The following BACH2 variants were observed in gnomAD, a reference collection of about 807,000 sequenced individuals.
BACH2 encodes the protein transcription regulator protein BACH2.
In BACH2, 5 loss-of-function variants were observed where a neutral mutation model predicts 61.8. The ratio of observed to expected loss-of-function variants is 0.08; its 90% confidence interval spans 0.04 to 0.17. BACH2 has a LOEUF of 0.17. Ranked by LOEUF, BACH2 falls within the 10% of genes least tolerant of loss-of-function variation. BACH2 has a pLI of 1.00. For synonymous variants in BACH2, 446 were observed against 440.1 expected (o/e 1.01, Z -0.17); for missense variants, 824 against 1,091.1 (o/e 0.76, Z 3.45).
At chr6:90,040,115 C>T (rs1275441286) in intron 5 of BACH2, among the ~76,000 whole-genome samples, 1 of 151,458 alleles carries the variant, frequency 6.6e-6, no homozygotes. Context: ...ATGACTTTCC[C>T]TTTGTGGTTT....
intron 5 of BACH2, among the ~76,000 whole-genome samples, chr6:90,038,515 A>C (rs1469754023): frequency 6.6e-6 from 1 of 152,132 alleles, no homozygotes; most frequent in Admixed American, 6.5e-5. Context: ...GAAAAATATC[A>C]TTAAGTTTTT....
intron 1 of BACH2, among the ~76,000 whole-genome samples, chr6:90,277,701 A>G (rs1771738789): frequency 6.6e-6 from 1 of 152,252 alleles, no homozygotes; most frequent in African/African-American, 2.4e-5. Context: ...ACAGGAATGA[A>G]AACTAGTGTG....
intron 3 of BACH2, among the ~76,000 whole-genome samples, chr6:90,244,021 A>C (rs1770547632): frequency 6.6e-6 from 1 of 152,210 alleles, no homozygotes; most frequent in South Asian, 2.1e-4. Context: ...TCCTGGGTTC[A>C]AATGATTCTC....
At chr6:90,247,408 T>TA (rs1347403733) in intron 3 of BACH2, among the ~76,000 whole-genome samples, 5 of 151,902 alleles carry the variant, frequency 3.3e-5, no homozygotes, top group African/African-American at 1.2e-4. Context: ...GTTATTTTTT[T>TA]TTTTGAGATG....
At chr6:89,940,008 A>C (rs896529875) in intron 7 of BACH2, among the ~76,000 whole-genome samples, 8 of 150,436 alleles carry the variant, frequency 5.3e-5, no homozygotes, top group African/African-American at 2.0e-4. Flanking sequence ...GGCCTGAAAT[A>C]TTTCTTTTCT....
intron 8 of BACH2, among the ~76,000 whole-genome samples, chr6:89,937,667 C>T (rs1220434955): frequency 6.6e-6 from 1 of 152,120 alleles, no homozygotes; most frequent in African/African-American, 2.4e-5. Flanking sequence ...ATAGCTGGGA[C>T]TACAGGCACG....
chr6:90,265,769 T>C (rs1021648191), intron 2 of BACH2, among the ~76,000 whole-genome samples: 1 of 152,170 alleles, frequency 6.6e-6, no homozygotes, highest in African/African-American at 2.4e-5. Context: ...CATTATCAAC[T>C]CATTTTAAAC....
rs201106988 is a variant in BACH2 at position 89,951,555 on chromosome 6, T to C, written c.551A>G (p.Gln184Arg). The C allele has an allele frequency of 2.9e-5, 47 of 1,614,086 alleles. No homozygotes were observed. Among genetic ancestry groups the C allele is most frequent in the Middle Eastern group, 1.6e-4 (1 of 6,084 alleles). The change falls in exon 7 of 9, where the codon CAG (glutamine) becomes CGG (arginine). Residue 184 changes from glutamine to arginine, a missense_variant. This residue lies in a region of BACH2 where 107 missense variants were observed against 121.7 expected (regional missense o/e 0.88). Transcript: ENST00000257749. This position sits in a 1 kb window ranked among gnomAD's most constrained non-coding sequence, Gnocchi z 6.4. ...AAAGCTGATGGGCTCTGGAAGCATC[T>C]GGTCCCTGGGGCAAGCCATCTTGGC... ...ETAKMACPRD[Q>R]MLPEPISFEA...
intron 4 of BACH2, among the ~76,000 whole-genome samples, chr6:90,130,422 C>G (rs1234227820): frequency 6.6e-6 from 1 of 152,216 alleles, no homozygotes; most frequent in Admixed American, 6.5e-5. Flanking sequence ...TCTCTTTTGC[C>G]TGGCACTGTA....
chr6:90,058,079 T>A (rs989499866), intron 5 of BACH2, among the ~76,000 whole-genome samples: 21 of 152,054 alleles, frequency 1.4e-4, no homozygotes, highest in Non-Finnish European at 2.9e-4. Flanking sequence ...GGGATGCCCG[T>A]TCTCACCACT....
At chr6:89,992,171 C>CT in intron 6 of BACH2, among the ~76,000 whole-genome samples, 1 of 152,204 alleles carries the variant, frequency 6.6e-6, no homozygotes. Context: ...CTTTCTGTTT[C>CT]TTTTTACAAA....
At chr6:90,255,621 C>T (rs545670596) in intron 2 of BACH2, among the ~76,000 whole-genome samples, 3 of 152,246 alleles carry the variant, frequency 2.0e-5, no homozygotes, top group African/African-American at 7.2e-5. Context: ...AAAGGAAACA[C>T]AATGAGACAA....
intron 6 of BACH2, among the ~76,000 whole-genome samples, chr6:89,985,033 G>A (rs954249963): frequency 2.0e-5 from 3 of 152,136 alleles, no homozygotes; most frequent in Non-Finnish European, 4.4e-5. Context: ...ACATTTGGCC[G>A]TGCCTTTCCT....
intron 7 of BACH2, among the ~76,000 whole-genome samples, chr6:89,944,036 C>T (rs1773590321): frequency 1.3e-5 from 2 of 152,224 alleles, no homozygotes; most frequent in South Asian, 4.1e-4. Context: ...TCTCCCCTCC[C>T]AGGTGAAGAA....
At chr6:90,236,417 C>T (rs1344390183) in intron 3 of BACH2, among the ~76,000 whole-genome samples, 3 of 152,104 alleles carry the variant, frequency 2.0e-5, no homozygotes, top group Non-Finnish European at 4.4e-5. Context: ...ACTTGGGAAG[C>T]GAACAGTTTA....
At chr6:89,986,188 G>A (rs1776228145) in intron 6 of BACH2, among the ~76,000 whole-genome samples, 1 of 151,922 alleles carries the variant, frequency 6.6e-6, no homozygotes. Flanking sequence ...CTGTAAGGAT[G>A]GCTTTTTTCG....
intron 5 of BACH2, among the ~76,000 whole-genome samples, chr6:90,031,110 A>T (rs1778956010): frequency 6.6e-6 from 1 of 152,116 alleles, no homozygotes; most frequent in South Asian, 2.1e-4. Context: ...AAACCACATG[A>T]TTATCTCAAT....
In BACH2 at chr6:89,966,427, T is replaced by G. The variant is rs866882479; in HGVS notation, c.244-14565A>C. Among the ~76,000 whole-genome samples the G allele has an allele frequency of 9.2e-5, 14 of 152,346 alleles. 1 individual carries two copies. The South Asian group carries it at 1.0e-3, about 11-fold the overall frequency. Reference sequence around the variant, plus strand: ...CTGTGAGGATTTAAACAGCAGCCATTAACACAAAACCCCATATGTGAATTG... The same window carrying G: ...CTGTGAGGATTTAAACAGCAGCCATGAACACAAAACCCCATATGTGAATTG... On this transcript the variant is annotated intron_variant, in intron 6 of 8. Coordinates refer to ENST00000257749, the MANE Select transcript of BACH2 (RefSeq NM_021813.4).
At chr6:89,942,878 C>T (rs553985575) in intron 7 of BACH2, among the ~76,000 whole-genome samples, 20 of 152,334 alleles carry the variant, frequency 1.3e-4, no homozygotes, top group African/African-American at 4.8e-4. Context: ...TGGAACACGA[C>T]AGGAGCAGCA....
Sources: gnomAD v4.1 joint callset for allele counts (sites outside exome capture counted in the v4.1 genomes callset) on GRCh38, gnomAD v4.1.1 for gene constraint, gnomAD v4.1.1 regional missense constraint, Gnocchi (gnomAD v3.1) non-coding constraint, MANE v1.5 for transcripts, NCBI Gene and HGNC (gene_info 2026-07-23, HGNC 2026-07-21) for gene names.